Variants in DSCAML1 observed in about 807,000 individuals in gnomAD.
The protein encoded by DSCAML1 is DS cell adhesion molecule like 1, also known as cell adhesion molecule DSCAML1.
A neutral mutation model predicts 200.5 loss-of-function variants in DSCAML1; 38 were observed. The ratio of observed to expected loss-of-function variants is 0.19; its 90% CI spans 0.15 to 0.25. The LOEUF is 0.25. Ranked by LOEUF, DSCAML1 falls within the 10% of genes least tolerant of loss-of-function variation. The probability of loss-of-function intolerance (pLI) is 1.00; values close to 1 mark genes in which losing one functional copy is unlikely to be tolerated. For synonymous variants in DSCAML1, 1,215 were observed against 1,165.0 expected (o/e 1.04, Z -0.87); for missense variants, 2,223 against 2,858.8 (o/e 0.78, Z 5.07).
At chr11:117,692,417 C>T (rs2053512284) in intron 3 of DSCAML1, among the ~76,000 whole-genome samples, 1 of 152,024 alleles carries the variant, frequency 6.6e-6, no homozygotes, top group East Asian at 1.9e-4. Context: ...TTGTACTTCT[C>T]TCTCTCTCCC....
intron 1 of DSCAML1, among the ~76,000 whole-genome samples, chr11:117,811,807 AC>A (rs1339093887): frequency 2.6e-5 from 4 of 151,866 alleles, no homozygotes; most frequent in African/African-American, 4.8e-5. Flanking sequence ...GCTTTAAGTA[AC>A]TCTCACAGTG....
At chr11:117,661,352 G>A (rs374017246) in intron 3 of DSCAML1, among the ~76,000 whole-genome samples, 4 of 152,184 alleles carry the variant, frequency 2.6e-5, no homozygotes, top group Admixed American at 1.3e-4. Context: ...GGCTTCTGCC[G>A]CAAGGGAGGA....
chr11:117,483,374 G>A (rs1266977438), intron 11 of DSCAML1, among the ~76,000 whole-genome samples: 1 of 152,216 alleles, frequency 6.6e-6, no homozygotes, highest in African/African-American at 2.4e-5. Flanking sequence ...AGGGTTAGGA[G>A]ACATTAACTT....
chr11:117,562,970 TCTGG>T (rs1269025522), intron 3 of DSCAML1, among the ~76,000 whole-genome samples: 6 of 152,204 alleles, frequency 3.9e-5, no homozygotes, highest in Non-Finnish European at 7.3e-5. Flanking sequence ...GCTGACACTG[TCTGG>T]AAGGATCTGA....
At chr11:117,809,887 A>C (rs536883070) in intron 1 of DSCAML1, among the ~76,000 whole-genome samples, 50 of 150,766 alleles carry the variant, frequency 3.3e-4, no homozygotes, top group Middle Eastern at 6.9e-3. Flanking sequence ...ACTCTTACAC[A>C]CACACACCCA....
intron 3 of DSCAML1, among the ~76,000 whole-genome samples, chr11:117,635,398 C>T (rs1407246871): frequency 6.6e-6 from 1 of 151,568 alleles, no homozygotes; most frequent in Non-Finnish European, 1.5e-5. Flanking sequence ...GGATGTGGTG[C>T]CAGTGGTTGA....
At position 117,565,296 on chromosome 11, in the gene DSCAML1, A is replaced by G. The variant is rs542347724; in HGVS notation, c.512-32774T>C. On this transcript the variant is annotated intron_variant, in intron 3 of 32. Coordinates refer to ENST00000651296, the MANE Select transcript of DSCAML1 (RefSeq NM_020693.4). ...GAATTGAGGATATTCATCACCTTGAATATTTGTCTTTTCTTTATGTCAGAA... is the reference window on the plus strand; with the variant it reads ...GAATTGAGGATATTCATCACCTTGAGTATTTGTCTTTTCTTTATGTCAGAA... Among the ~76,000 whole-genome samples the G allele has an allele frequency of 5.9e-5, 9 of 152,340 alleles. No individual in the cohort carries two copies. The South Asian group carries it at 1.9e-3, about 32-fold the overall frequency.
intron 3 of DSCAML1, among the ~76,000 whole-genome samples, chr11:117,763,320 C>T (rs926783056): frequency 6.6e-5 from 10 of 151,966 alleles, no homozygotes; most frequent in African/African-American, 1.2e-4. Context: ...CATCTGCAGT[C>T]GTTAAAGCTC....
intron 3 of DSCAML1, among the ~76,000 whole-genome samples, chr11:117,714,393 G>A (rs2053909132): frequency 6.6e-6 from 1 of 152,204 alleles, no homozygotes; most frequent in South Asian, 2.1e-4. Context: ...CTCAGCATCT[G>A]CAGGTGGTGC....
chr11:117,488,529 G>A (rs12222915), intron 11 of DSCAML1, among the ~76,000 whole-genome samples: 25,148 of 147,084 alleles, frequency 0.17, 2,264 homozygotes, highest in South Asian at 0.26. Context: ...ATCCTGACAT[G>A]CACAGACACA....
chr11:117,566,897 AG>A (rs1422152647), intron 3 of DSCAML1, among the ~76,000 whole-genome samples: 1 of 151,794 alleles, frequency 6.6e-6, no homozygotes, highest in Admixed American at 6.6e-5. Context: ...GTCCCTACAA[AG>A]GACATGAACT....
At chr11:117,467,193 A>ACC (rs757481843) in intron 16 of DSCAML1, among the ~76,000 whole-genome samples, 5,451 of 108,458 alleles carry the variant, frequency 0.05, 476 homozygotes, top group African/African-American at 0.16. Flanking sequence ...GTGCACACAC[A>ACC]CCTCCCCCCT....
At chr11:117,593,572 T>C (rs946260203) in intron 3 of DSCAML1, among the ~76,000 whole-genome samples, 1 of 152,190 alleles carries the variant, frequency 6.6e-6, no homozygotes, top group African/African-American at 2.4e-5. Flanking sequence ...TGCAACTTCA[T>C]TTATCAGGAA....
chr11:117,605,171 G>C (rs1019229108), intron 3 of DSCAML1, among the ~76,000 whole-genome samples: 1 of 152,076 alleles, frequency 6.6e-6, no homozygotes, highest in African/African-American at 2.4e-5. Context: ...TGAGACTACA[G>C]GTGCACGCCA....
chr11:117,672,606 C>T (rs901644920), intron 3 of DSCAML1, among the ~76,000 whole-genome samples: 1 of 152,196 alleles, frequency 6.6e-6, no homozygotes, highest in African/African-American at 2.4e-5. Context: ...CATGGGCATC[C>T]AGGGCGAGCC....
At chr11:117,739,441 C>A (rs946670006) in intron 3 of DSCAML1, among the ~76,000 whole-genome samples, 1 of 152,234 alleles carries the variant, frequency 6.6e-6, no homozygotes, top group Non-Finnish European at 1.5e-5. Flanking sequence ...TTCGAGAACA[C>A]TGACCTGGGA....
upstream of DSCAML1, chr11:117,797,348 C>T (rs2055604157): frequency 8.8e-7 from 1 of 1,134,918 alleles, no homozygotes; most frequent in Non-Finnish European, 1.1e-6. Flanking sequence ...CCCAGACGGA[C>T]CCCAGCCCCA....
intron 3 of DSCAML1, among the ~76,000 whole-genome samples, chr11:117,685,371 A>T (rs2053386945): frequency 6.6e-6 from 1 of 152,176 alleles, no homozygotes. Context: ...CCTTCCGCTT[A>T]ATTCCTTACC....
At chr11:117,766,882 T>C (rs2054907046) in intron 3 of DSCAML1, among the ~76,000 whole-genome samples, 1 of 152,064 alleles carries the variant, frequency 6.6e-6, no homozygotes, top group East Asian at 1.9e-4. Context: ...TGCTGGGATA[T>C]TGGAAGAAGT....
Sources: allele counts gnomAD v4.1 joint callset (sites outside exome capture counted in the v4.1 genomes callset), GRCh38; gene constraint gnomAD v4.1.1; transcripts MANE v1.5; gene names NCBI Gene and HGNC (gene_info 2026-07-23, HGNC 2026-07-21).